Variants in VAPA observed in about 807,000 individuals in gnomAD.
The protein encoded by VAPA is VAMP associated protein A, also known as vesicle-associated membrane protein-associated protein A.
In VAPA, 6 loss-of-function variants were observed where a neutral mutation model predicts 25.6. The ratio of observed to expected loss-of-function variants is 0.23; its 90% CI spans 0.13 to 0.46. The LOEUF (loss-of-function observed/expected upper bound fraction) is 0.46. Ranked by LOEUF, VAPA falls within the 20% of genes least tolerant of loss-of-function variation. The pLI is 0.99. For synonymous variants in VAPA, 112 were observed against 106.2 expected (o/e 1.05, Z -0.34); for missense variants, 244 against 302.1 (o/e 0.81, Z 1.43).
At chr18:9,943,781 CTTAAATGTA>C (rs2069389484) in intron 4 of VAPA, among the ~76,000 whole-genome samples, 1 of 125,194 alleles carries the variant, frequency 8.0e-6, no homozygotes, top group Non-Finnish European at 1.7e-5. Flanking sequence ...TTCTAAATTT[CTTAAATGTA>C]TTGCATTTCA....
At chr18:9,936,745 G>C (rs2069314798) in intron 3 of VAPA, 1 of 426,040 alleles carries the variant, frequency 2.3e-6, no homozygotes, top group South Asian at 4.9e-5. Context: ...ATGCTAAGAA[G>C]AAAGTCCTAT....
At position 9,954,294 on chromosome 18, in the gene VAPA, G is replaced by C; in HGVS notation, c.*83G>C. The C allele has an allele frequency of 7.6e-7, 1 of 1,315,450 alleles. No individual in the cohort carries two copies. Among genetic ancestry groups the C allele is most frequent in the East Asian group, 2.3e-5 (1 of 43,508 alleles). The allele number at this position is 1,315,450 out of a possible 1,614,324, so 81.5% of individuals were successfully genotyped here. On this transcript the variant is annotated 3_prime_UTR_variant, in exon 6 of 6. Transcript: ENST00000400000. ...TTGTTTACCTACCATTTCATTGGTA[G>C]TATGGCCCACGGTGACCATTTTTTT...
chr18:9,935,341 G>A (rs1322823390), intron 2 of VAPA, among the ~76,000 whole-genome samples: 2 of 152,146 alleles, frequency 1.3e-5, no homozygotes, highest in African/African-American at 4.8e-5. Flanking sequence ...GGAGGCTGAG[G>A]AGGGCGGATC....
At chr18:9,946,347 C>T (rs537098058) in intron 4 of VAPA, among the ~76,000 whole-genome samples, 5 of 152,204 alleles carry the variant, frequency 3.3e-5, no homozygotes, top group South Asian at 2.1e-4. Flanking sequence ...ATTTGTGTAT[C>T]GAAACAATCT....
chr18:9,932,493 G>A (rs1436160756), intron 2 of VAPA, among the ~76,000 whole-genome samples: 2 of 152,188 alleles, frequency 1.3e-5, no homozygotes, highest in Non-Finnish European at 2.9e-5. Context: ...TGTCAAAGAA[G>A]TATGCTTGCC....
At position 9,957,402 on chromosome 18, in the gene VAPA, A is replaced by T. The variant is rs943001843; in HGVS notation, c.*3191A>T. The T allele has an allele frequency of 2.1e-4, 32 of 152,190 alleles. No homozygotes were observed. The highest frequency in any genetic ancestry group is 7.5e-4 in the African/African-American group (31 of 41,452). 9.4% of individuals were successfully genotyped at this position (152,190 alleles called of 1,614,324 possible). On this transcript the variant is annotated 3_prime_UTR_variant, in exon 6 of 6. Coordinates refer to ENST00000400000, the MANE Select transcript of VAPA (RefSeq NM_194434.3). ...GGTATGGGAATTACTTTTGAACTGT[A>T]ATCTTTCAGATTACACCACTTTGAA...
chr18:9,943,841 CTTTTTTTTTTTTTTTTTTTTTTT>C (rs71169911), intron 4 of VAPA, among the ~76,000 whole-genome samples: 26 of 51,770 alleles, frequency 5.0e-4, no homozygotes, highest in Admixed American at 1.8e-3. Context: ...ACATATTTCC[CTTTTTTTTTTTTTTTTTTTTTTT>C]TTTTTTTTTT....
chr18:9,932,867 G>A (rs370931285), intron 2 of VAPA, among the ~76,000 whole-genome samples: 2 of 152,220 alleles, frequency 1.3e-5, no homozygotes, highest in East Asian at 3.9e-4. Context: ...CCAGCACTTT[G>A]GGAGGCCGAG....
intron 2 of VAPA, among the ~76,000 whole-genome samples, chr18:9,934,870 G>A (rs900736828): frequency 6.6e-6 from 1 of 152,020 alleles, no homozygotes; most frequent in South Asian, 2.1e-4. Context: ...TGAGACGGGC[G>A]GATCTTGAGG....
intron 5 of VAPA, among the ~76,000 whole-genome samples, chr18:9,951,890 C>T (rs549914904): frequency 8.5e-5 from 13 of 152,298 alleles, no homozygotes; most frequent in Non-Finnish European, 7.4e-5. Flanking sequence ...AGTACCCCCT[C>T]GAGGGGTACC....
At chr18:9,943,936 C>G (rs2069393694) in intron 4 of VAPA, among the ~76,000 whole-genome samples, 1 of 136,190 alleles carries the variant, frequency 7.3e-6, no homozygotes, top group African/African-American at 2.7e-5. Context: ...TCTCGGCTCA[C>G]TGTAAGCGCC....
intron 1 of VAPA, 126 bp downstream of exon 1, chr18:9,914,461 G>C (rs1213759360): frequency 7.6e-6 from 6 of 791,020 alleles, no homozygotes; most frequent in Middle Eastern, 4.1e-4. Flanking sequence ...ACGCCCCGGC[G>C]CCTTCCCTTT....
chr18:9,947,649 G>A (rs2069439629), intron 4 of VAPA: 1 of 152,206 alleles, frequency 6.6e-6, no homozygotes, highest in Admixed American at 6.5e-5. Context: ...GTCACAGCAT[G>A]TTGAATCTCT....
rs1351682048 is a variant in VAPA at position 9,954,399 on chromosome 18, A to G, written c.*188A>G. 4 of 563,190 alleles carry G rather than the reference A, an allele frequency of 7.1e-6. No homozygotes were observed. The highest frequency in any genetic ancestry group is 1.2e-5 in the Non-Finnish European group (4 of 323,388). 34.9% of individuals were successfully genotyped at this position (563,190 alleles called of 1,614,324 possible). On this transcript the variant is annotated 3_prime_UTR_variant, in exon 6 of 6. Transcript: ENST00000400000. ...CACAATAAAAACAAACTGTTCGGCT[A>G]CTGGACAGGTTGTATATTACCAGAT...
At chr18:9,927,165 G>T (rs1466587948) in intron 1 of VAPA, among the ~76,000 whole-genome samples, 1 of 152,136 alleles carries the variant, frequency 6.6e-6, no homozygotes, top group Admixed American at 6.6e-5. Context: ...CTTCAGCTTA[G>T]TTTGATGTGC....
At chr18:9,917,839 G>A (rs1373010551) in intron 1 of VAPA, among the ~76,000 whole-genome samples, 1 of 152,100 alleles carries the variant, frequency 6.6e-6, no homozygotes, top group Non-Finnish European at 1.5e-5. Context: ...TCCTCTGGAT[G>A]GATATTTAGC....
At chr18:9,918,656 A>G (rs921760920) in intron 1 of VAPA, among the ~76,000 whole-genome samples, 1 of 152,114 alleles carries the variant, frequency 6.6e-6, no homozygotes, top group Non-Finnish European at 1.5e-5. Flanking sequence ...GGTTTCATTT[A>G]TCTCACTCTG....
chr18:9,926,292 A>T (rs1266744453), intron 1 of VAPA, among the ~76,000 whole-genome samples: 1 of 152,184 alleles, frequency 6.6e-6, no homozygotes, highest in African/African-American at 2.4e-5. Context: ...AATCAGTGAT[A>T]CAACTTAATT....
At chr18:9,943,572 A>C (rs2069387421) in intron 4 of VAPA, among the ~76,000 whole-genome samples, 1 of 152,184 alleles carries the variant, frequency 6.6e-6, no homozygotes, top group South Asian at 2.1e-4. Context: ...ATGATACGAA[A>C]GCGCTGTTGT....
Sources: gnomAD v4.1 joint callset for allele counts (sites outside exome capture counted in the v4.1 genomes callset) on GRCh38, gnomAD v4.1.1 for gene constraint, MANE v1.5 for transcripts, NCBI Gene and HGNC (gene_info 2026-07-23, HGNC 2026-07-21) for gene names.